Variants in DAAM2 observed in about 807,000 individuals in gnomAD.
The protein encoded by DAAM2 is disheveled-associated activator of morphogenesis 2.
DAAM2 carries 39 observed loss-of-function variants against 120.7 expected under a neutral mutation model. That is an observed-to-expected ratio of 0.32 (90% CI 0.25 to 0.42). The LOEUF (loss-of-function observed/expected upper bound fraction) is 0.42, where lower values mean the gene tolerates loss of function less well. Ranked by LOEUF, DAAM2 falls within the 10% of genes least tolerant of loss-of-function variation. The pLI is 1.00. For synonymous variants in DAAM2, 488 were observed against 524.9 expected (o/e 0.93, Z 0.96); for missense variants, 1,283 against 1,401.7 (o/e 0.92, Z 1.35).
intron 1 of DAAM2, chr6:39,820,939 A>G (rs934411579): frequency 6.6e-6 from 1 of 152,242 alleles, no homozygotes; most frequent in African/African-American, 2.4e-5. Context: ...GGGTGAGTTC[A>G]GCCCTAGAGG....
chr6:39,839,399 T>C (rs1194383415), intron 1 of DAAM2, among the ~76,000 whole-genome samples: 1 of 152,176 alleles, frequency 6.6e-6, no homozygotes, highest in Non-Finnish European at 1.5e-5. Flanking sequence ...CTAGGTAGAC[T>C]CAAAATGTGC....
intron 1 of DAAM2, among the ~76,000 whole-genome samples, chr6:39,826,028 C>T (rs1366577806): frequency 1.3e-5 from 2 of 152,148 alleles, no homozygotes; most frequent in Admixed American, 6.5e-5. Context: ...TGAGATAAGG[C>T]GTATTTCATG....
intron 1 of DAAM2, among the ~76,000 whole-genome samples, chr6:39,837,552 A>C (rs1763149329): frequency 6.6e-6 from 1 of 150,702 alleles, no homozygotes. Flanking sequence ...AATCCCAGCT[A>C]CTTGGGAGGC....
At chr6:39,812,532 C>T (rs1762193426) in intron 1 of DAAM2, among the ~76,000 whole-genome samples, 1 of 152,102 alleles carries the variant, frequency 6.6e-6, no homozygotes. Flanking sequence ...ATCGACTGTA[C>T]CTGAATTCTG....
At position 39,883,232 on chromosome 6, in the gene DAAM2, G is replaced by C. The variant is rs181121499; in HGVS notation, c.1846-730G>C. ...ACTAACAGCCAGGATCCAGACCCTA[G>C]TGCAAGGGTCCTACACAGAGATGGG... is the stretch of plus-strand genomic sequence containing the variant. On this transcript the variant is annotated intron_variant, in intron 14 of 24. Transcript: ENST00000274867. 3.3e-3 allele frequency among the ~76,000 whole-genome samples: 499 copies of C among 150,748 alleles called. 2 individuals carry two copies. The highest frequency in any genetic ancestry group is 5.5e-3 in the Non-Finnish European group (374 of 67,770).
intron 1 of DAAM2, among the ~76,000 whole-genome samples, chr6:39,798,054 A>C (rs1761752937): frequency 6.6e-6 from 1 of 152,232 alleles, no homozygotes; most frequent in South Asian, 2.1e-4. Flanking sequence ...CATGGCCTAC[A>C]AAGCTGAAAA....
chr6:39,835,548 T>C (rs1358797314), intron 1 of DAAM2, among the ~76,000 whole-genome samples: 1 of 152,208 alleles, frequency 6.6e-6, no homozygotes, highest in Non-Finnish European at 1.5e-5. Context: ...TTTTTTCGTA[T>C]TGGTGCCAGG....
chr6:39,887,577 T>C lies in DAAM2; in HGVS notation c.2045T>C (p.Ile682Thr). ...VIDGRRAQNC[I>T]ILLSKLKLSN... The stretch of plus-strand genomic sequence containing the variant: ...GATGGCCGGAGGGCCCAAAACTGCA[T>C]CATCCTTCTTTCCAAGTATGTGCAA... The change falls in exon 16 of 25, where the codon ATC (isoleucine) becomes ACC (threonine). Residue 682 changes from isoleucine to threonine, a missense_variant. Ile to Thr is a moderately conservative substitution (Grantham distance 89, BLOSUM62 -1). Transcript: ENST00000274867. 1 of 1,612,918 alleles carries C rather than the reference T, an allele frequency of 6.2e-7. No homozygotes were observed. Among genetic ancestry groups the C allele is most frequent in the Non-Finnish European group, 8.5e-7 (1 of 1,179,036 alleles).
chr6:39,822,996 C>G (rs1490297808), intron 1 of DAAM2: 1 of 152,076 alleles, frequency 6.6e-6, no homozygotes, highest in Admixed American at 6.6e-5. Flanking sequence ...AGAAATGTTT[C>G]TTTGTTTTCA....
chr6:39,814,268 C>T (rs1762247422), intron 1 of DAAM2, among the ~76,000 whole-genome samples: 1 of 150,860 alleles, frequency 6.6e-6, no homozygotes. Flanking sequence ...CTTCTTCTTC[C>T]AGTGTGGCCC....
At chr6:39,797,133 G>A (rs1438087850) in intron 1 of DAAM2, among the ~76,000 whole-genome samples, 3 of 152,130 alleles carry the variant, frequency 2.0e-5, no homozygotes, top group Non-Finnish European at 4.4e-5. Flanking sequence ...AGCCCCATGT[G>A]ACCCTCTATT....
At chr6:39,798,325 T>A (rs2113990438) in intron 1 of DAAM2, among the ~76,000 whole-genome samples, 1 of 152,342 alleles carries the variant, frequency 6.6e-6, no homozygotes, top group East Asian at 1.9e-4. Context: ...CCTCATAGGA[T>A]GACTGTGAGG....
At chr6:39,793,602 CAA>C (rs1761613656) in intron 1 of DAAM2, among the ~76,000 whole-genome samples, 1 of 152,112 alleles carries the variant, frequency 6.6e-6, no homozygotes, top group Non-Finnish European at 1.5e-5. Flanking sequence ...TTAAAAAGTT[CAA>C]AGTCTTGTGT....
intron 14 of DAAM2, among the ~76,000 whole-genome samples, chr6:39,883,280 T>C (rs1299959151): frequency 6.6e-6 from 1 of 151,422 alleles, no homozygotes; most frequent in African/African-American, 2.4e-5. Context: ...TGGAGAGACC[T>C]TGGAATGTAA....
Position 39,867,565 on chromosome 6 carries a change from C to G in DAAM2, c.484C>G (p.Arg162Gly), listed in dbSNP as rs374390550. The G allele has an allele frequency of 1.2e-6, 2 of 1,613,894 alleles. No individual in the cohort carries two copies. Among genetic ancestry groups the G allele is most frequent in the African/African-American group, 1.3e-5 (1 of 74,904 alleles). Residue 162 changes from arginine (R) to glycine (G), a missense_variant, in exon 6 of 25, where the codon CGG (arginine) becomes GGG (glycine). Arg to Gly is a moderately radical substitution (Grantham distance 125). This residue lies in a region of DAAM2 where 338 missense variants were observed against 443.9 expected (regional missense o/e 0.76). Transcript: ENST00000274867. ...CTTGACCTGTCTGCTAAATTTCCTC[C>G]GGAGCATGGACCACGCCACCTGTGA... The part of the protein sequence containing the change: ...EGLTCLLNFL[R>G]SMDHATCESR...
chr6:39,886,153 C>G (rs1201058577), intron 15 of DAAM2: 3 of 361,870 alleles, frequency 8.3e-6, no homozygotes, highest in Non-Finnish European at 1.5e-5. Flanking sequence ...TCTGCCCTAA[C>G]TGGGGAGTGG....
chr6:39,887,336 T>G (rs3003945), intron 15 of DAAM2, 150 bp from the exon 16 acceptor site: 357,426 of 581,680 alleles, frequency 0.61, 111,719 homozygotes, highest in East Asian at 0.8. Context: ...TTAGCTATTA[T>G]CCACCCTCCT....
At chr6:39,874,834 T>A (rs1206526610) in intron 10 of DAAM2, among the ~76,000 whole-genome samples, 1 of 152,218 alleles carries the variant, frequency 6.6e-6, no homozygotes, top group East Asian at 1.9e-4. Context: ...CATTAAGCAC[T>A]TCTCTAACCC....
At chr6:39,868,749 G>A in intron 6 of DAAM2, 74 bp from the exon 7 acceptor site, 2 of 1,084,418 alleles carry the variant, frequency 1.8e-6, no homozygotes, top group Admixed American at 2.0e-5. Flanking sequence ...GAGGCGACAG[G>A]AGTAAAGATG....
Sources: gnomAD v4.1 joint callset for allele counts (sites outside exome capture counted in the v4.1 genomes callset) on GRCh38, gnomAD v4.1.1 for gene constraint, gnomAD v4.1.1 regional missense constraint, MANE v1.5 for transcripts, NCBI Gene and HGNC (gene_info 2026-07-23, HGNC 2026-07-21) for gene names.